RAD23B: variants seen among roughly 807,000 people sequenced by gnomAD.
RAD23B encodes lysine-specific demethylase RAD23B.
RAD23B carries 5 observed loss-of-function variants against 49.1 expected under a neutral mutation model. The observed-to-expected ratio is 0.10, with a 90% confidence interval of 0.05 to 0.21. The LOEUF is 0.21. RAD23B is among the 10% of genes least tolerant of loss of function. RAD23B has a pLI of 1.00. For missense variants in RAD23B, 356 were observed against 486.7 expected (o/e 0.73, Z 2.53); for synonymous variants, 184 against 165.4 (o/e 1.11, Z -0.86).
At position 107,284,836 on chromosome 9, in the gene RAD23B, C is replaced by T. The variant is rs144767198; in HGVS notation, c.66+1141C>T. ...GGTTTTGTAACTTATTTGCTATGAC[C>T]TTGGGCAAATTACGGTTAGTTTCAT... On this transcript the variant is annotated intron_variant, in intron 1 of 9. Transcript: ENST00000358015. 1,211 of 1,230,310 alleles carry T rather than the reference C, an allele frequency of 9.8e-4. 7 individuals are homozygous for T. The highest frequency in any genetic ancestry group is 7.3e-3 in the Middle Eastern group (33 of 4,504). The allele number at this position is 1,230,310 out of a possible 1,614,324, so 76.2% of individuals were successfully genotyped here.
At chr9:107,297,560 C>T (rs1826553597) in intron 1 of RAD23B, among the ~76,000 whole-genome samples, 1 of 151,990 alleles carries the variant, frequency 6.6e-6, no homozygotes, top group Non-Finnish European at 1.5e-5. Flanking sequence ...AGGCTGGTCT[C>T]GAATCCAACC....
chr9:107,296,995 C>A (rs572433498), intron 1 of RAD23B, among the ~76,000 whole-genome samples: 13 of 151,942 alleles, frequency 8.6e-5, no homozygotes, highest in Non-Finnish European at 7.4e-5. Flanking sequence ...GCTGGGACTA[C>A]AAGTGTGCAC....
Position 107,331,689 on chromosome 9 carries a change from C to A in RAD23B, c.*2033C>A, listed in dbSNP as rs74357018. On this transcript the variant is annotated 3_prime_UTR_variant, in exon 10 of 10. Coordinates refer to ENST00000358015, the MANE Select transcript of RAD23B (RefSeq NM_002874.5). ...CTCAGATCATAGTGAAAACTGGAAA[C>A]AAAAAAAAAAAACAGCCTCTTCTTG... The A allele has an allele frequency of 2.8e-4, 194 of 699,842 alleles. No homozygotes were observed. Among genetic ancestry groups the A allele is most frequent in the South Asian group, 4.8e-4 (32 of 66,188 alleles). 43.4% of individuals were successfully genotyped at this position (699,842 alleles called of 1,614,324 possible). A position where few individuals can be genotyped will look rare whatever the true frequency, so the allele number is the denominator to read the frequency against.
At chr9:107,292,798 A>T (rs1362572341) in intron 1 of RAD23B, among the ~76,000 whole-genome samples, 4 of 151,976 alleles carry the variant, frequency 2.6e-5, no homozygotes, top group Non-Finnish European at 5.9e-5. Context: ...CTGCCTCTAG[A>T]GCCTGTATGT....
chr9:107,330,561 G>A lies in RAD23B; in HGVS notation c.*905G>A, dbSNP rs535023446. On this transcript the variant is annotated 3_prime_UTR_variant, in exon 10 of 10. Transcript: ENST00000358015. The surrounding 1 kb of genome is among the most constrained non-coding windows in gnomAD (Gnocchi z 4.4). Reference sequence around the variant, plus strand: ...TTTCCCCTTCCCTCAGCAGAAACGTGTTTATCAGCAAGTCGTGAGTCAAAC... The same window carrying A: ...TTTCCCCTTCCCTCAGCAGAAACGTATTTATCAGCAAGTCGTGAGTCAAAC... 1 of 152,718 alleles carries A rather than the reference G, an allele frequency of 6.5e-6. No individual in the cohort carries two copies. Among genetic ancestry groups the A allele is most frequent in the East Asian group, 1.9e-4 (1 of 5,196 alleles). 9.5% of individuals were successfully genotyped at this position (152,718 alleles called of 1,614,324 possible).
intron 5 of RAD23B, among the ~76,000 whole-genome samples, chr9:107,314,768 T>A (rs1826958562): frequency 6.6e-6 from 1 of 152,250 alleles, no homozygotes; most frequent in African/African-American, 2.4e-5. Context: ...CCATAAAGGA[T>A]GTACTAATGG....
intron 5 of RAD23B, among the ~76,000 whole-genome samples, chr9:107,313,703 C>T (rs1826935086): frequency 6.6e-6 from 1 of 152,218 alleles, no homozygotes; most frequent in African/African-American, 2.4e-5. Flanking sequence ...CGTATCTTCA[C>T]ATTGTCAACT....
At chr9:107,326,480 C>CA (rs1223341449) in intron 9 of RAD23B, among the ~76,000 whole-genome samples, 2,096 of 56,222 alleles carry the variant, frequency 0.037, 59 homozygotes, top group African/African-American at 0.073. Flanking sequence ...GACTCTGTCT[C>CA]AAAAAAAAAA....
chr9:107,323,750 CATT>C (rs1827150625), intron 7 of RAD23B, 137 bp from the exon 8 acceptor site: 3 of 840,750 alleles, frequency 3.6e-6, no homozygotes, highest in Non-Finnish European at 5.6e-6. Context: ...AAGATTTCAT[CATT>C]ATTTACTTCA....
intron 6 of RAD23B, among the ~76,000 whole-genome samples, chr9:107,321,189 T>C (rs990915405): frequency 6.6e-6 from 1 of 152,136 alleles, no homozygotes; most frequent in African/African-American, 2.4e-5. Flanking sequence ...ATTTCTTTTA[T>C]ATCGATTTTA....
rs904753816 is a variant in RAD23B, at chr9:107,323,807, G to A, written c.818-83G>A. 17 of 1,253,536 alleles carry A rather than the reference G, an allele frequency of 1.4e-5. No individual in the cohort carries two copies. The Admixed American group carries it at 2.5e-4, about 18-fold the overall frequency. 77.7% of individuals were successfully genotyped at this position (1,253,536 alleles called of 1,614,324 possible). ...CTCAAATCATTTTTTCTTTGATAGT[G>A]TTTGCTGTCTAAATGTATTATTTAA... On this transcript the variant is annotated intron_variant, in intron 7 of 9. Coordinates refer to ENST00000358015, the MANE Select transcript of RAD23B (RefSeq NM_002874.5).
intron 4 of RAD23B, among the ~76,000 whole-genome samples, chr9:107,310,920 TATA>T (rs1826876681): frequency 6.6e-6 from 1 of 152,204 alleles, no homozygotes; most frequent in African/African-American, 2.4e-5. Context: ...AGAACTGAAA[TATA>T]ATGTGTGTGT....
Position 107,318,723 on chromosome 9 carries a change from T to C in RAD23B, c.554-29T>C, listed in dbSNP as rs774438327. 6.4e-7 allele frequency: 1 copy of C among 1,571,288 alleles called. No homozygotes were observed. Among genetic ancestry groups the C allele is most frequent in the East Asian group, 2.3e-5 (1 of 43,602 alleles). On this transcript the variant is annotated intron_variant, in intron 5 of 9. Transcript: ENST00000358015. This position sits in a 1 kb window ranked among gnomAD's most constrained non-coding sequence, Gnocchi z 4.3. ...AGAATGCTTATTTATTAAATGTTCCTTTTTTTCCCCTCCACCCTCCCTTTT... is the reference window on the plus strand; with the variant it reads ...AGAATGCTTATTTATTAAATGTTCCCTTTTTTCCCCTCCACCCTCCCTTTT...
intron 1 of RAD23B, chr9:107,284,642 G>T (rs1833237930): frequency 1.1e-6 from 1 of 886,938 alleles, no homozygotes; most frequent in Non-Finnish European, 1.4e-6. Context: ...ATCTAAAAAC[G>T]CTGTGAGTGT....
In RAD23B at chr9:107,309,949, AAC is replaced by A. The variant is rs200472281; in HGVS notation, c.498-1732_498-1731del. 4.7e-4 allele frequency among the ~76,000 whole-genome samples: 71 copies of A among 150,324 alleles called. 3 individuals carry two copies. The highest frequency in any genetic ancestry group is 6.4e-4 in the Non-Finnish European group (43 of 67,426). Reference sequence around the variant, plus strand: ...CCATCTCAAAAAAAAAAAAAAAAAAAACCAATGTGTGATAATAGTGTAAATTA... The same window carrying A: ...CCATCTCAAAAAAAAAAAAAAAAAAACAATGTGTGATAATAGTGTAAATTA... On this transcript the variant is annotated intron_variant, in intron 4 of 9. Transcript: ENST00000358015.
At chr9:107,320,531 TA>T (rs775946194) in intron 6 of RAD23B, among the ~76,000 whole-genome samples, 5 of 152,046 alleles carry the variant, frequency 3.3e-5, no homozygotes, top group Admixed American at 6.6e-5. Context: ...AATTTATAAC[TA>T]AAATGTTTTT....
chr9:107,331,814 A>G lies in RAD23B; in HGVS notation c.*2158A>G. The stretch of plus-strand genomic sequence containing the variant: ...AGAAGACAGCTCAGGCCAAGTTTTG[A>G]TCGTTCCATACAGTACCTTGTTTAT... On this transcript the variant is annotated 3_prime_UTR_variant, in exon 10 of 10. Coordinates refer to ENST00000358015, the MANE Select transcript of RAD23B (RefSeq NM_002874.5). 1.3e-6 allele frequency: 1 copy of G among 750,846 alleles called. No homozygotes were observed. Among genetic ancestry groups the G allele is most frequent in the Non-Finnish European group, 2.5e-6 (1 of 407,370 alleles). The allele number at this position is 750,846 out of a possible 1,614,324, so 46.5% of individuals were successfully genotyped here.
chr9:107,310,179 G>A (rs1042279139), intron 4 of RAD23B, among the ~76,000 whole-genome samples: 17 of 151,902 alleles, frequency 1.1e-4, no homozygotes, highest in Non-Finnish European at 2.1e-4. Flanking sequence ...TCACCATCTA[G>A]AATGAAAAAA....
At chr9:107,291,545 T>C in intron 1 of RAD23B, among the ~76,000 whole-genome samples, 1 of 152,326 alleles carries the variant, frequency 6.6e-6, no homozygotes, top group East Asian at 1.9e-4. Context: ...AAAAATCTCC[T>C]GTACTAAATT....
Sources: gnomAD v4.1 joint callset for allele counts (sites outside exome capture counted in the v4.1 genomes callset) on GRCh38, gnomAD v4.1.1 for gene constraint, Gnocchi (gnomAD v3.1) non-coding constraint, MANE v1.5 for transcripts, NCBI Gene and HGNC (gene_info 2026-07-23, HGNC 2026-07-21) for gene names.